FHL2: variants seen among roughly 807,000 people sequenced by gnomAD.
The protein encoded by FHL2 is four and a half LIM domains protein 2.
A neutral mutation model predicts 32.7 loss-of-function variants in FHL2; 20 were observed. The observed-to-expected ratio is 0.61, with a 90% CI of 0.43 to 0.89. The LOEUF is 0.89. Ranked by LOEUF, FHL2 falls within the 40% of genes least tolerant of loss-of-function variation. The pLI, the probability that FHL2 is intolerant of heterozygous loss-of-function variation, is 0.00. For missense variants in FHL2, 311 were observed against 358.6 expected (o/e 0.87, Z 1.07); for synonymous variants, 123 against 128.1 (o/e 0.96, Z 0.27).
upstream of FHL2, among the ~76,000 whole-genome samples, chr2:105,403,748 G>A (rs555852383): frequency 2.0e-5 from 3 of 150,958 alleles, no homozygotes; most frequent in Admixed American, 1.3e-4. Flanking sequence ...TTTAGGGCGT[G>A]GGGGAGGGAC....
intron 1 of FHL2, among the ~76,000 whole-genome samples, chr2:105,424,430 G>A (rs1323714318): frequency 6.6e-6 from 1 of 152,182 alleles, no homozygotes; most frequent in Non-Finnish European, 1.5e-5. Flanking sequence ...TTGTTGGTGG[G>A]AGTGTAAATT....
At chr2:105,409,460 G>A (rs1325659390) in intron 1 of FHL2, among the ~76,000 whole-genome samples, 1 of 152,174 alleles carries the variant, frequency 6.6e-6, no homozygotes, top group Non-Finnish European at 1.5e-5. Flanking sequence ...AGATAGGGAA[G>A]GATAGGGGAG....
chr2:105,391,924 A>C (rs1682764858), intron 2 of FHL2, among the ~76,000 whole-genome samples: 1 of 152,174 alleles, frequency 6.6e-6, no homozygotes, highest in African/African-American at 2.4e-5. Flanking sequence ...CCTCCTTTTT[A>C]TTTCACTGAA....
intron 1 of FHL2, among the ~76,000 whole-genome samples, chr2:105,420,955 G>A (rs900720967): frequency 1.3e-5 from 2 of 152,172 alleles, no homozygotes; most frequent in African/African-American, 4.8e-5. Flanking sequence ...CCTGGGGACT[G>A]GGGACCCCTG....
chr2:105,428,450 A>G (rs2104679012), intron 1 of FHL2, among the ~76,000 whole-genome samples: 1 of 152,324 alleles, frequency 6.6e-6, no homozygotes, highest in African/African-American at 2.4e-5. Context: ...CTGGTGGATC[A>G]AACCTGGCTG....
At chr2:105,419,302 C>G (rs190234965) in intron 1 of FHL2, among the ~76,000 whole-genome samples, 1 of 152,100 alleles carries the variant, frequency 6.6e-6, no homozygotes, top group Admixed American at 6.6e-5. Flanking sequence ...TGGGTGCACC[C>G]GTCACCCAAG....
At chr2:105,373,770 G>A in intron 3 of FHL2, 37 bp from the exon 4 acceptor site, 4 of 1,609,966 alleles carry the variant, frequency 2.5e-6, no homozygotes, top group Non-Finnish European at 3.4e-6. Flanking sequence ...TCAGAGGCAG[G>A]ACAGGAGGGC....
intron 1 of FHL2, among the ~76,000 whole-genome samples, chr2:105,426,921 T>C (rs1181172428): frequency 6.6e-6 from 1 of 152,254 alleles, no homozygotes; most frequent in Non-Finnish European, 1.5e-5. Flanking sequence ...TGGCTTTTTC[T>C]TTCTTTTCCT....
chr2:105,381,905 C>T (rs939342140), intron 3 of FHL2, among the ~76,000 whole-genome samples: 1 of 152,066 alleles, frequency 6.6e-6, no homozygotes, highest in African/African-American at 2.4e-5. Context: ...GAAAGACCAG[C>T]GAGGGAGGCC....
At chr2:105,387,798 A>G (rs35920582) in intron 2 of FHL2, among the ~76,000 whole-genome samples, 52,134 of 152,110 alleles carry the variant, frequency 0.34, 9,104 homozygotes, top group East Asian at 0.52. Flanking sequence ...ATAAAGACAC[A>G]TGTACATGAA....
intron 1 of FHL2, among the ~76,000 whole-genome samples, chr2:105,436,888 T>C (rs1389767547): frequency 6.6e-6 from 1 of 152,170 alleles, no homozygotes; most frequent in Non-Finnish European, 1.5e-5. Context: ...CTTTCTTTGG[T>C]GGGGAGAGAA....
chr2:105,429,435 T>A (rs1211457474), intron 1 of FHL2, among the ~76,000 whole-genome samples: 1 of 152,078 alleles, frequency 6.6e-6, no homozygotes, highest in Non-Finnish European at 1.5e-5. Context: ...TCCTTATATA[T>A]GAAAGATGGA....
At chr2:105,365,444 C>T (rs914236933) in intron 5 of FHL2, among the ~76,000 whole-genome samples, 1 of 152,140 alleles carries the variant, frequency 6.6e-6, no homozygotes, top group African/African-American at 2.4e-5. Context: ...GCTTTCATTT[C>T]TGCAAATGAA....
At chr2:105,428,697 C>T (rs1033071035) in intron 1 of FHL2, among the ~76,000 whole-genome samples, 3 of 152,338 alleles carry the variant, frequency 2.0e-5, no homozygotes, top group Non-Finnish European at 2.9e-5. Context: ...TGGGTTGCCA[C>T]GCTCTCCCTG....
At chr2:105,428,333 C>T (rs1684324357) in intron 1 of FHL2, among the ~76,000 whole-genome samples, 2 of 152,232 alleles carry the variant, frequency 1.3e-5, no homozygotes, top group Admixed American at 6.5e-5. Flanking sequence ...GAGCTGTGAA[C>T]ACCCCATCTT....
intron 1 of FHL2, among the ~76,000 whole-genome samples, chr2:105,412,782 G>T (rs907370054): frequency 6.6e-6 from 1 of 152,186 alleles, no homozygotes; most frequent in South Asian, 2.1e-4. Flanking sequence ...GACTGACACA[G>T]CCGAGGAGCA....
intron 6 of FHL2, chr2:105,363,016 T>TCAC: frequency 2.4e-6 from 1 of 420,376 alleles, no homozygotes; most frequent in African/African-American, 2.0e-5. Context: ...ACTGCAGTTT[T>TCAC]AGCGATAATC....
At chr2:105,363,564 T>C in intron 5 of FHL2, 93 bp from the exon 6 acceptor site, 3 of 1,162,746 alleles carry the variant, frequency 2.6e-6, no homozygotes, top group Non-Finnish European at 3.6e-6. Context: ...AAGATCCTCA[T>C]CCAGAAACGT....
At chr2:105,365,717 T>C (rs1012881552) in intron 5 of FHL2, among the ~76,000 whole-genome samples, 11 of 150,198 alleles carry the variant, frequency 7.3e-5, no homozygotes, top group African/African-American at 2.4e-4. Context: ...TGGTGGCACC[T>C]GCCTGTAATC....
Sources: gnomAD v4.1 joint callset for allele counts (sites outside exome capture counted in the v4.1 genomes callset) on GRCh38, gnomAD v4.1.1 for gene constraint, MANE v1.5 for transcripts, NCBI Gene and HGNC (gene_info 2026-07-23, HGNC 2026-07-21) for gene names.